The following MBD4 variants were observed in gnomAD, a reference collection of about 807,000 sequenced individuals.
The protein encoded by MBD4 is methyl-CpG binding domain 4, DNA glycosylase.
A neutral mutation model predicts 60.2 loss-of-function variants in MBD4; 53 were observed. The observed-to-expected ratio is 0.88, with a 90% CI of 0.71 to 1.11. The LOEUF (loss-of-function observed/expected upper bound fraction) is 1.11. Among genes scored for constraint, MBD4 ranks in the 50% least tolerant of loss-of-function variants. The probability of loss-of-function intolerance (pLI) is 0.00; values close to 1 mark genes in which losing one functional copy is unlikely to be tolerated. For missense variants in MBD4, 619 were observed against 674.0 expected (o/e 0.92, Z 0.90); for synonymous variants, 231 against 229.8 (o/e 1.01, Z -0.05).
rs1388293730 is a variant in MBD4 at position 129,433,134 on chromosome 3, A to G, written c.1507T>C (p.Tyr503His). 2 of 1,614,232 alleles carry G rather than the reference A, an allele frequency of 1.2e-6. No homozygotes were observed. ...ACAATGGTTTTTGCCCGAAGATCGT[A>G]GAGACCAAGAGGTTTAAGAAGTTCT... The part of the protein sequence containing the change: ...VSELLKPLGL[Y>H]DLRAKTIVKF... The change falls in exon 6 of 8, where the codon TAC becomes CAC. Residue 503 changes from tyrosine to histidine, a missense_variant. Tyr to His is a moderately conservative substitution (Grantham distance 83). Transcript: ENST00000429544.
intron 7 of MBD4, chr3:129,432,194 G>A (rs1426312936): frequency 2.2e-6 from 3 of 1,392,916 alleles, no homozygotes; most frequent in Non-Finnish European, 2.8e-6. Flanking sequence ...GTGTACTTTT[G>A]ACAGGAGGAA....
At chr3:129,435,802 G>A (rs2072447316) in intron 3 of MBD4, among the ~76,000 whole-genome samples, 2 of 151,952 alleles carry the variant, frequency 1.3e-5, no homozygotes, top group Admixed American at 1.3e-4. Flanking sequence ...TATTCACTGA[G>A]GTATTATAAA....
In MBD4 at chr3:129,434,049, G is replaced by A. The variant is rs2072408643; in HGVS notation, c.1258+13C>T. ...GGAATTAGAATTTGCTGTTCTGATT[G>A]GGAAAGGGATACCTTCTTTGTTATA... is the stretch of plus-strand genomic sequence containing the variant. On this transcript the variant is annotated intron_variant, in intron 4 of 7. Coordinates refer to ENST00000429544, the MANE Select transcript of MBD4 (RefSeq NM_001276270.2). The A allele has an allele frequency of 5.0e-6, 8 of 1,614,026 alleles. No individual in the cohort carries two copies. The East Asian group carries it at 1.8e-4, about 36-fold the overall frequency.
Position 129,431,199 on chromosome 3 carries a change from T to C in MBD4, c.*302A>G, listed in dbSNP as rs570807430. 4 of 305,170 alleles carry C rather than the reference T, an allele frequency of 1.3e-5. No homozygotes were observed. In the South Asian group the frequency reaches 1.4e-4, roughly 10 times the overall value. The allele number at this position is 305,170 out of a possible 1,614,324, so 18.9% of individuals were successfully genotyped here. Reference sequence around the variant, plus strand: ...TTAGCAAGGCTGATAGAAATTTGCTTTGTATTATTGATAGTTTAGAACTAT... The same window carrying C: ...TTAGCAAGGCTGATAGAAATTTGCTCTGTATTATTGATAGTTTAGAACTAT... On this transcript the variant is annotated 3_prime_UTR_variant, in exon 8 of 8. Transcript: ENST00000429544.
chr3:129,439,201 A>T (rs2072630804), intron 1 of MBD4, among the ~76,000 whole-genome samples: 1 of 152,186 alleles, frequency 6.6e-6, no homozygotes, highest in South Asian at 2.1e-4. Context: ...GGATCTTATG[A>T]AATGATATTG....
Position 129,437,082 on chromosome 3 carries a change from C to T in MBD4, c.562G>A (p.Val188Met), listed in dbSNP as rs770133698. The change falls in exon 3 of 8, where the codon GTG becomes ATG. Residue 188 changes from valine (V) to methionine (M), a missense_variant. Coordinates refer to ENST00000429544, the MANE Select transcript of MBD4 (RefSeq NM_001276270.2). ...LRTRSKCKKD[V>M]FMPPSSSSEL... is the part of the protein sequence containing the mutation. ...GAACTACTACTTGGCGGCATAAACA[C>T]ATCCTTTTTGCACTTGCTTCGGGTC... is the stretch of plus-strand genomic sequence containing the variant. 7 of 1,613,968 alleles carry T rather than the reference C, an allele frequency of 4.3e-6. No homozygotes were observed. The highest frequency in any genetic ancestry group is 5.9e-6 in the Non-Finnish European group (7 of 1,179,922).
chr3:129,439,760 C>A lies in MBD4; in HGVS notation c.74G>T (p.Arg25Leu). The A allele has an allele frequency of 1.2e-6, 2 of 1,602,926 alleles. No individual in the cohort carries two copies. Among genetic ancestry groups the A allele is most frequent in the South Asian group, 1.1e-5 (1 of 88,934 alleles). Residue 25 changes from arginine (R) to leucine (L), a missense_variant, in exon 1 of 8, where the codon CGC (arginine) becomes CTC (leucine). Arg to Leu is a moderately radical substitution (Grantham distance 102). Transcript: ENST00000429544. ...GAAPTVTSSE[R>L]LVPDPPNDLR... Reference sequence around the variant, plus strand: ...GTCATTCGGCGGGTCTGGGACTAGGCGCTCACTAGAGGTGACGGTGGGGGC... The same window carrying A: ...GTCATTCGGCGGGTCTGGGACTAGGAGCTCACTAGAGGTGACGGTGGGGGC...
intron 3 of MBD4, among the ~76,000 whole-genome samples, chr3:129,436,143 A>G (rs1404041658): frequency 6.6e-6 from 1 of 152,212 alleles, no homozygotes; most frequent in Non-Finnish European, 1.5e-5. Context: ...AAGAAGGGAA[A>G]GCACTGCTGA....
intron 3 of MBD4, among the ~76,000 whole-genome samples, 162 bp from the exon 4 acceptor site, chr3:129,434,298 G>T (rs990392631): frequency 6.6e-6 from 1 of 152,114 alleles, no homozygotes; most frequent in African/African-American, 2.4e-5. Flanking sequence ...CCATGAACTT[G>T]GTACTATTTT....
intron 5 of MBD4, 55 bp downstream of exon 5, chr3:129,433,795 C>G: frequency 6.2e-7 from 1 of 1,610,772 alleles, no homozygotes; most frequent in Non-Finnish European, 8.5e-7. Context: ...CAATTCAGTG[C>G]TTTCTCCCTA....
intron 1 of MBD4, among the ~76,000 whole-genome samples, chr3:129,438,235 T>C (rs1380720363): frequency 1.3e-5 from 2 of 152,194 alleles, no homozygotes; most frequent in East Asian, 3.8e-4. Context: ...ATTATAAAGA[T>C]TTCTGGGGGC....
At position 129,434,949 on chromosome 3, in the gene MBD4, C is replaced by T. The variant is rs556844370; in HGVS notation, c.1184-813G>A. Reference sequence around the variant, plus strand: ...TAAAATCACATGTAATACTCCTTAACCATACCCTCGCAATTTGAATATCAG... The same window carrying T: ...TAAAATCACATGTAATACTCCTTAATCATACCCTCGCAATTTGAATATCAG... On this transcript the variant is annotated intron_variant, in intron 3 of 7. Coordinates refer to ENST00000429544, the MANE Select transcript of MBD4 (RefSeq NM_001276270.2). Among the ~76,000 whole-genome samples the T allele has an allele frequency of 2.0e-5, 3 of 152,304 alleles. No homozygotes were observed. The South Asian group carries it at 6.2e-4, about 32-fold the overall frequency.
At chr3:129,433,631 T>C (rs2072399463) in intron 5 of MBD4, 3 of 607,762 alleles carry the variant, frequency 4.9e-6, no homozygotes, top group African/African-American at 3.7e-5. Flanking sequence ...AAAAAGAATT[T>C]GGAAGTATAA....
chr3:129,431,287 A>C lies in MBD4; in HGVS notation c.*214T>G. The C allele has an allele frequency of 5.8e-6, 3 of 519,184 alleles. No homozygotes were observed. The South Asian group carries it at 7.5e-5, about 13-fold the overall frequency. 32.2% of individuals were successfully genotyped at this position (519,184 alleles called of 1,614,324 possible). On this transcript the variant is annotated 3_prime_UTR_variant, in exon 8 of 8. Coordinates refer to ENST00000429544, the MANE Select transcript of MBD4 (RefSeq NM_001276270.2). Reference sequence around the variant, plus strand: ...CGTATTTTTTTTGGATTGTTGTCAAATAATAATTTATTTTAAAAAAATCTC... The same window carrying C: ...CGTATTTTTTTTGGATTGTTGTCAACTAATAATTTATTTTAAAAAAATCTC...
Position 129,437,012 on chromosome 3 carries a change from T to C in MBD4, c.632A>G (p.His211Arg). The change falls in exon 3 of 8, where the codon CAT (histidine) becomes CGT (arginine). Residue 211 changes from histidine (H) to arginine (R), a missense_variant. Coordinates refer to ENST00000429544, the MANE Select transcript of MBD4 (RefSeq NM_001276270.2). ...SRGLSNFTST[H>R]LLLKEDEGVD... ...ACCCTCATCTTCTTTCAAAAGCAAATGAGTGGAAGTAAAGTTAGAGAGTCC... is the reference window on the plus strand; with the variant it reads ...ACCCTCATCTTCTTTCAAAAGCAAACGAGTGGAAGTAAAGTTAGAGAGTCC... 1 of 1,614,194 alleles carries C rather than the reference T, an allele frequency of 6.2e-7. No homozygotes were observed. Among genetic ancestry groups the C allele is most frequent in the Non-Finnish European group, 8.5e-7 (1 of 1,180,038 alleles).
In MBD4 at chr3:129,435,241, A is replaced by G. The variant is rs1577063326; in HGVS notation, c.1184-1105T>C. Among the ~76,000 whole-genome samples, 4 of 151,708 alleles carry G rather than the reference A, an allele frequency of 2.6e-5. No homozygotes were observed. In the South Asian group the frequency reaches 8.3e-4, roughly 32 times the overall value. On this transcript the variant is annotated intron_variant, in intron 3 of 7. Transcript: ENST00000429544. ...CCAGTAGAGAGTAAAAAAAAAAAAGAACAAAGGAAACTGCTCTGACTGCTC... is the reference window on the plus strand; with the variant it reads ...CCAGTAGAGAGTAAAAAAAAAAAAGGACAAAGGAAACTGCTCTGACTGCTC...
Position 129,437,013 on chromosome 3 carries a change from G to T in MBD4, c.631C>A (p.His211Asn). Residue 211 changes from histidine (H) to asparagine (N), a missense_variant, in exon 3 of 8, where the codon CAT becomes AAT. Coordinates refer to ENST00000429544, the MANE Select transcript of MBD4 (RefSeq NM_001276270.2). The part of the protein sequence containing the change: ...SRGLSNFTST[H>N]LLLKEDEGVD... ...CCCTCATCTTCTTTCAAAAGCAAAT[G>T]AGTGGAAGTAAAGTTAGAGAGTCCT... 6.2e-7 allele frequency: 1 copy of T among 1,614,130 alleles called. No individual in the cohort carries two copies. Among genetic ancestry groups the T allele is most frequent in the Non-Finnish European group, 8.5e-7 (1 of 1,180,020 alleles).
intron 5 of MBD4, 51 bp from the exon 6 acceptor site, chr3:129,433,298 T>G (rs1201066607): frequency 6.3e-7 from 1 of 1,599,286 alleles, no homozygotes; most frequent in Admixed American, 1.7e-5. Flanking sequence ...TGGGCTGATT[T>G]CATGTTCAAG....
chr3:129,433,125 G>C lies in MBD4; in HGVS notation c.1516C>G (p.Arg506Gly). 1 of 1,614,170 alleles carries C rather than the reference G, an allele frequency of 6.2e-7. No homozygotes were observed. Among genetic ancestry groups the C allele is most frequent in the Non-Finnish European group, 8.5e-7 (1 of 1,180,026 alleles). Residue 506 changes from arginine to glycine, a missense_variant, in exon 6 of 8, where the codon CGG becomes GGG. Coordinates refer to ENST00000429544, the MANE Select transcript of MBD4 (RefSeq NM_001276270.2). ...GAGAACTTGACAATGGTTTTTGCCC[G>C]AAGATCGTAGAGACCAAGAGGTTTA... is the stretch of plus-strand genomic sequence containing the variant. ...LLKPLGLYDL[R>G]AKTIVKFSDE...
Sources: allele counts gnomAD v4.1 joint callset (sites outside exome capture counted in the v4.1 genomes callset), GRCh38; gene constraint gnomAD v4.1.1; transcripts MANE v1.5; gene names NCBI Gene and HGNC (gene_info 2026-07-23, HGNC 2026-07-21).